Variants in TSNARE1 observed in about 807,000 individuals in gnomAD.
TSNARE1 encodes the protein t-SNARE domain-containing protein 1.
Under a neutral mutation model 62.0 loss-of-function variants are expected in TSNARE1, and 49 were observed. That is an observed-to-expected ratio of 0.79 (90% confidence interval 0.63 to 1.00). The LOEUF (loss-of-function observed/expected upper bound fraction) is 1.00, where lower values mean the gene tolerates loss of function less well. TSNARE1 is among the 50% of genes least tolerant of loss of function. The pLI is 0.00. For missense variants in TSNARE1, 755 were observed against 700.1 expected, an observed-to-expected ratio of 1.08 and a Z score of -0.88; for synonymous variants, 328 against 294.4, an observed-to-expected ratio of 1.11 and a Z score of -1.17.
At chr8:142,258,477 CTTTTTTT>C (rs56675860) in intron 12 of TSNARE1, among the ~76,000 whole-genome samples, 84 of 107,244 alleles carry the variant, frequency 7.8e-4, no homozygotes, top group African/African-American at 3.2e-3. Context: ...AGAACTTGTG[CTTTTTTT>C]TTTTTTTTTT....
rs886384463 is a variant in TSNARE1 at position 142,349,520 on chromosome 8, A to T, written c.89-3628T>A. ...GGGAAATGATGAAACTATGAGCAGA[A>T]ATCAATCACAATTTAAAACTCGCAC... On this transcript the variant is annotated intron_variant, in intron 2 of 13. Transcript: ENST00000524325. Among the ~76,000 whole-genome samples, 8 of 152,210 alleles carry T rather than the reference A, an allele frequency of 5.3e-5. No individual in the cohort carries two copies. The East Asian group carries it at 7.7e-4, about 15-fold the overall frequency.
rs116866690 is a variant in TSNARE1 at position 142,398,855 on chromosome 8, T to A, written c.-40+4249A>T. On this transcript the variant is annotated intron_variant, in intron 1 of 13. Transcript: ENST00000524325. ...AGTGGGTTCACATCCTAACAGGACC[T>A]ACCCAAGGACAAAAAAGGAAGGGCC... is the stretch of plus-strand genomic sequence containing the variant. 1.0e-3 allele frequency among the ~76,000 whole-genome samples: 153 copies of A among 152,282 alleles called. 1 individual carries two copies. The East Asian group carries it at 0.023, about 23-fold the overall frequency.
At chr8:142,353,369 G>A (rs761781120) in intron 2 of TSNARE1, among the ~76,000 whole-genome samples, 5 of 152,298 alleles carry the variant, frequency 3.3e-5, no homozygotes, top group East Asian at 1.9e-4. Context: ...TGGTCTCGGC[G>A]GGAAGGAGGA....
At chr8:142,230,285 C>G (rs1016453256) in intron 12 of TSNARE1, among the ~76,000 whole-genome samples, 1 of 152,032 alleles carries the variant, frequency 6.6e-6, no homozygotes, top group African/African-American at 2.4e-5. Context: ...AAAACGGGAG[C>G]TTAAATGAAA....
chr8:142,256,009 A>G (rs1235639035), intron 12 of TSNARE1, among the ~76,000 whole-genome samples: 1 of 133,454 alleles, frequency 7.5e-6, no homozygotes, highest in Admixed American at 7.4e-5. Context: ...CACCACCACC[A>G]TCACCATCAC....
intron 2 of TSNARE1, among the ~76,000 whole-genome samples, chr8:142,352,525 C>A (rs1405947624): frequency 6.6e-6 from 1 of 152,264 alleles, no homozygotes; most frequent in African/African-American, 2.4e-5. Context: ...GACACAGGAG[C>A]CAGCCTTAGC....
chr8:142,365,310 T>C (rs1835452214), intron 1 of TSNARE1, among the ~76,000 whole-genome samples: 1 of 152,138 alleles, frequency 6.6e-6, no homozygotes, highest in Non-Finnish European at 1.5e-5. Context: ...GACTGAGGTG[T>C]TGTCTGAAAT....
chr8:142,228,194 C>T (rs1816929600), intron 13 of TSNARE1, among the ~76,000 whole-genome samples: 1 of 152,218 alleles, frequency 6.6e-6, no homozygotes, highest in South Asian at 2.1e-4. Context: ...CCCAGCTAAG[C>T]CGCTTCCAAA....
intron 12 of TSNARE1, among the ~76,000 whole-genome samples, chr8:142,238,058 T>G (rs1817519170): frequency 6.6e-6 from 1 of 151,476 alleles, no homozygotes; most frequent in Admixed American, 6.6e-5. Flanking sequence ...AGGAAGCACA[T>G]CCGCTTCACC....
At chr8:142,326,256 C>T (rs1482961863) in intron 6 of TSNARE1, 4 of 148,262 alleles carry the variant, frequency 2.7e-5, no homozygotes, top group South Asian at 1.5e-4. Flanking sequence ...CCAGCACCAG[C>T]GAAGGGGAGG....
intron 10 of TSNARE1, among the ~76,000 whole-genome samples, chr8:142,298,049 C>T (rs568791757): frequency 6.6e-6 from 1 of 152,172 alleles, no homozygotes; most frequent in Non-Finnish European, 1.5e-5. Flanking sequence ...CCCCCTGCTA[C>T]CCCCCGTCCG....
chr8:142,324,928 G>A (rs1309947036), intron 6 of TSNARE1, among the ~76,000 whole-genome samples: 1 of 152,262 alleles, frequency 6.6e-6, no homozygotes, highest in Non-Finnish European at 1.5e-5. Flanking sequence ...GGAAGAGCCT[G>A]TGGCTGGGCT....
Position 142,317,324 on chromosome 8 carries a change from G to A in TSNARE1, c.984+1220C>T, listed in dbSNP as rs1435566858. Among the ~76,000 whole-genome samples the A allele has an allele frequency of 2.5e-4, 26 of 102,360 alleles. 1 individual carries two copies. Among genetic ancestry groups the A allele is most frequent in the African/African-American group, 7.0e-4 (17 of 24,392 alleles). 67.2% of individuals were successfully genotyped at this position (102,360 alleles called of 152,430 possible). A position where few individuals can be genotyped will look rare whatever the true frequency, so the allele number is the denominator to read the frequency against. On this transcript the variant is annotated intron_variant, in intron 7 of 13. Coordinates refer to ENST00000524325, the MANE Select transcript of TSNARE1 (RefSeq NM_145003.5). The stretch of plus-strand genomic sequence containing the variant: ...ATGGCCAGCGGCTCACACTGTACGT[G>A]TGAAGCGGGTATGGCCAGCGGCTCA...
At chr8:142,317,912 C>T (rs985994766) in intron 7 of TSNARE1, among the ~76,000 whole-genome samples, 8 of 152,172 alleles carry the variant, frequency 5.3e-5, no homozygotes, top group African/African-American at 1.9e-4. Context: ...GAGCCAAGAT[C>T]ATGCCACTGC....
At chr8:142,282,752 G>A (rs200221019) in intron 11 of TSNARE1, among the ~76,000 whole-genome samples, 2 of 147,070 alleles carry the variant, frequency 1.4e-5, no homozygotes, top group African/African-American at 5.2e-5. Flanking sequence ...TAAGGGCAAA[G>A]GCGGGGTCAG....
intron 12 of TSNARE1, among the ~76,000 whole-genome samples, chr8:142,233,331 A>G (rs1438490821): frequency 6.6e-6 from 1 of 151,932 alleles, no homozygotes; most frequent in Non-Finnish European, 1.5e-5. Flanking sequence ...GGGTTTTTGG[A>G]CGGGTGATGG....
chr8:142,261,070 A>AG (rs1818855951), intron 12 of TSNARE1, among the ~76,000 whole-genome samples: 2 of 30,442 alleles, frequency 6.6e-5, no homozygotes, highest in Non-Finnish European at 1.4e-4. Flanking sequence ...AGCAGGAGGG[A>AG]GGAGAGAGGA....
intron 9 of TSNARE1, among the ~76,000 whole-genome samples, chr8:142,309,672 T>A (rs939607250): frequency 2.0e-5 from 3 of 152,212 alleles, no homozygotes; most frequent in Admixed American, 2.0e-4. Context: ...TTAGGACTTT[T>A]GTGTCTATGT....
chr8:142,377,487 T>C (rs1041978446), intron 1 of TSNARE1, among the ~76,000 whole-genome samples: 1 of 152,234 alleles, frequency 6.6e-6, no homozygotes, highest in Non-Finnish European at 1.5e-5. Context: ...TACAAATTCA[T>C]TTTTAAAACA....
Sources: allele counts gnomAD v4.1 joint callset (sites outside exome capture counted in the v4.1 genomes callset), GRCh38; gene constraint gnomAD v4.1.1; transcripts MANE v1.5; gene names NCBI Gene and HGNC (gene_info 2026-07-23, HGNC 2026-07-21).